Variants in PRKN observed in about 807,000 individuals in gnomAD.
The protein encoded by PRKN is parkin RBR E3 ubiquitin protein ligase.
In PRKN, 56 loss-of-function variants were observed where a neutral mutation model predicts 59.5. That is an observed-to-expected ratio of 0.94 (90% CI 0.76 to 1.18). The LOEUF (loss-of-function observed/expected upper bound fraction) is 1.18. Ranked by LOEUF, PRKN falls within the 50% of genes most tolerant of loss-of-function variation. The probability of loss-of-function intolerance (pLI) is 0.00; values close to 1 mark genes in which losing one functional copy is unlikely to be tolerated. For synonymous variants in PRKN, 250 were observed against 222.1 expected, an observed-to-expected ratio of 1.13 and a Z score of -1.12; for missense variants, 657 against 596.4, an observed-to-expected ratio of 1.10 and a Z score of -1.06.
chr6:162,568,185 C>A (rs1324670250), intron 1 of PRKN, among the ~76,000 whole-genome samples: 15 of 152,200 alleles, frequency 9.9e-5, no homozygotes, highest in Non-Finnish European at 2.1e-4. Flanking sequence ...TGGGGAAACT[C>A]TCCAGGACAC....
intron 9 of PRKN, among the ~76,000 whole-genome samples, chr6:161,479,477 G>A (rs902208780): frequency 6.6e-6 from 1 of 152,044 alleles, no homozygotes; most frequent in Non-Finnish European, 1.5e-5. Flanking sequence ...TAATCAGAAC[G>A]CAAGCAGCAA....
intron 1 of PRKN, among the ~76,000 whole-genome samples, chr6:162,622,004 G>A (rs1782688682): frequency 6.6e-6 from 1 of 151,924 alleles, no homozygotes; most frequent in South Asian, 2.1e-4. Context: ...GTAGAGACGG[G>A]GCTTCACCAT....
rs1786949974 is a variant in PRKN, at chr6:161,399,946, A to T, written c.1084-13069T>A. ...ATATTCAAAATTGTATCATTTCAAC[A>T]TGCAATCGATATAAAAATTGGTAAT... On this transcript the variant is annotated intron_variant, in intron 9 of 11. Coordinates refer to ENST00000366898, the MANE Select transcript of PRKN (RefSeq NM_004562.3). The surrounding 1 kb of genome is among the most constrained non-coding windows in gnomAD (Gnocchi z 4.4). Among the ~76,000 whole-genome samples, 1 of 152,214 alleles carries T rather than the reference A, an allele frequency of 6.6e-6. No homozygotes were observed. Among genetic ancestry groups the T allele is most frequent in the Non-Finnish European group, 1.5e-5 (1 of 68,044 alleles).
At chr6:161,634,924 G>C (rs1783456982) in intron 7 of PRKN, among the ~76,000 whole-genome samples, 1 of 152,186 alleles carries the variant, frequency 6.6e-6, no homozygotes, top group South Asian at 2.1e-4. Context: ...CTTCTCCCTA[G>C]AGCAAGCTGT....
chr6:161,573,548 G>A (rs1421668918), intron 7 of PRKN, among the ~76,000 whole-genome samples: 2 of 149,712 alleles, frequency 1.3e-5, no homozygotes, highest in Admixed American at 6.7e-5. Context: ...GTGAAACCCC[G>A]TCTCTACTAA....
intron 1 of PRKN, among the ~76,000 whole-genome samples, chr6:162,476,847 A>T (rs1792046944): frequency 6.6e-6 from 1 of 152,196 alleles, no homozygotes; most frequent in Admixed American, 6.5e-5. Context: ...CATCGTGTAC[A>T]TAAGCAAAGG....
chr6:161,780,868 A>G (rs1380714054), intron 7 of PRKN, among the ~76,000 whole-genome samples: 2 of 152,254 alleles, frequency 1.3e-5, no homozygotes, highest in Admixed American at 6.5e-5. Context: ...TTGACAAAAT[A>G]AAATCTATGA....
intron 1 of PRKN, among the ~76,000 whole-genome samples, chr6:162,613,017 T>A (rs1194158550): frequency 6.6e-6 from 1 of 152,208 alleles, no homozygotes; most frequent in African/African-American, 2.4e-5. Flanking sequence ...CTAAAATTAA[T>A]ACCAACAAGA....
At position 162,602,776 on chromosome 6, in the gene PRKN, C is replaced by T. The variant is rs143819971; in HGVS notation, c.7+124886G>A. On this transcript the variant is annotated intron_variant, in intron 1 of 11. Coordinates refer to ENST00000366898, the MANE Select transcript of PRKN (RefSeq NM_004562.3). Reference sequence around the variant, plus strand: ...ATAAGAAAATCAGGTAAGCTCTTTTCAAAATTAAAATATAAGCCTCAAAGC... The same window carrying T: ...ATAAGAAAATCAGGTAAGCTCTTTTTAAAATTAAAATATAAGCCTCAAAGC... Among the ~76,000 whole-genome samples, 266 of 152,234 alleles carry T rather than the reference C, an allele frequency of 1.7e-3. 2 individuals are homozygous for T. The highest frequency in any genetic ancestry group is 5.8e-3 in the African/African-American group (243 of 41,544).
At chr6:161,510,094 A>C (rs913285849) in intron 9 of PRKN, among the ~76,000 whole-genome samples, 1 of 152,104 alleles carries the variant, frequency 6.6e-6, no homozygotes, top group African/African-American at 2.4e-5. Context: ...CTGAAGACAT[A>C]TGCATCGTTG....
At chr6:162,178,852 C>A (rs1226778146) in intron 4 of PRKN, among the ~76,000 whole-genome samples, 1 of 152,012 alleles carries the variant, frequency 6.6e-6, no homozygotes, top group East Asian at 1.9e-4. Flanking sequence ...TCATCTCTTC[C>A]TCATCAGTGT....
At chr6:162,140,850 C>T (rs1029045075) in intron 4 of PRKN, among the ~76,000 whole-genome samples, 5 of 152,088 alleles carry the variant, frequency 3.3e-5, no homozygotes, top group African/African-American at 7.2e-5. Context: ...TTATGATGGC[C>T]GGGTGCAGTG....
chr6:162,251,643 A>G (rs942606224), intron 3 of PRKN, among the ~76,000 whole-genome samples: 1 of 152,212 alleles, frequency 6.6e-6, no homozygotes, highest in African/African-American at 2.4e-5. Flanking sequence ...ACAAGAAGAA[A>G]CTGCTATTAA....
Position 162,222,055 on chromosome 6 carries a change from A to T in PRKN, c.413-20803T>A, listed in dbSNP as rs376187476. Among the ~76,000 whole-genome samples, 39 of 152,266 alleles carry T rather than the reference A, an allele frequency of 2.6e-4. 1 individual carries two copies. The highest frequency in any genetic ancestry group is 9.1e-4 in the African/African-American group (38 of 41,564). On this transcript the variant is annotated intron_variant, in intron 3 of 11. Transcript: ENST00000366898. The stretch of plus-strand genomic sequence containing the variant: ...TAATGCAATGTTTTACAGGTAAAAC[A>T]TTGGTTTTGGTTTGAATAACGACCT...
In PRKN at chr6:161,410,168, G is replaced by A. The variant is rs903954462; in HGVS notation, c.1084-23291C>T. 6.6e-6 allele frequency among the ~76,000 whole-genome samples: 1 copy of A among 152,106 alleles called. No homozygotes were observed. The highest frequency in any genetic ancestry group is 1.5e-5 in the Non-Finnish European group (1 of 68,040). ...GATGGGGAAGGATTGCATAAGTTGT[G>A]GCAGGGGGCCTGGGGCAGGTGGGTG... On this transcript the variant is annotated intron_variant, in intron 9 of 11. Coordinates refer to ENST00000366898, the MANE Select transcript of PRKN (RefSeq NM_004562.3). The surrounding 1 kb of genome is among the most constrained non-coding windows in gnomAD (Gnocchi z 5.3).
At chr6:161,389,291 A>T (rs1034566666) in intron 9 of PRKN, among the ~76,000 whole-genome samples, 20 of 152,344 alleles carry the variant, frequency 1.3e-4, no homozygotes, top group Non-Finnish European at 2.8e-4. Context: ...AAAGTATTTT[A>T]ATCTCAGGAC....
rs1305309939 is a variant in PRKN, at chr6:161,446,400, C to A, written c.1084-59523G>T. Among the ~76,000 whole-genome samples the A allele has an allele frequency of 6.6e-6, 1 of 151,940 alleles. No homozygotes were observed. The highest frequency in any genetic ancestry group is 1.5e-5 in the Non-Finnish European group (1 of 67,988). ...CAGCAGACACTGAGACCCAAAGGGG[C>A]CTGGCTTGGGACCTATGCAGCTGTG... is the stretch of plus-strand genomic sequence containing the variant. On this transcript the variant is annotated intron_variant, in intron 9 of 11. Coordinates refer to ENST00000366898, the MANE Select transcript of PRKN (RefSeq NM_004562.3). The surrounding 1 kb of genome is among the most constrained non-coding windows in gnomAD (Gnocchi z 6.2).
chr6:162,408,811 T>C (rs1050994247), intron 2 of PRKN, among the ~76,000 whole-genome samples: 1 of 152,176 alleles, frequency 6.6e-6, no homozygotes, highest in Non-Finnish European at 1.5e-5. Context: ...CACATATTCT[T>C]ACTCTAAGCA....
chr6:162,338,533 C>T (rs539691873), intron 2 of PRKN, among the ~76,000 whole-genome samples: 58 of 152,270 alleles, frequency 3.8e-4, no homozygotes, highest in African/African-American at 8.4e-4. Context: ...GGATTGCAGA[C>T]GGAGTCTCCT....
Sources: allele counts gnomAD v4.1 joint callset (sites outside exome capture counted in the v4.1 genomes callset), GRCh38; gene constraint gnomAD v4.1.1; non-coding constraint Gnocchi (gnomAD v3.1); transcripts MANE v1.5; gene names NCBI Gene and HGNC (gene_info 2026-07-23, HGNC 2026-07-21).